Variants in CRIM1 observed in about 807,000 individuals in gnomAD.
CRIM1 encodes the protein cysteine rich transmembrane BMP regulator 1.
Under a neutral mutation model 116.4 loss-of-function variants are expected in CRIM1, and 32 were observed. That is an observed-to-expected ratio of 0.27 (90% confidence interval 0.21 to 0.37). CRIM1 has a LOEUF of 0.37. Among genes scored for constraint, CRIM1 ranks in the 10% least tolerant of loss-of-function variants. The pLI, the probability that CRIM1 is intolerant of heterozygous loss-of-function variation, is 1.00. For missense variants in CRIM1, 1,331 were observed against 1,354.8 expected, an observed-to-expected ratio of 0.98 and a Z score of 0.28; for synonymous variants, 590 against 509.2, an observed-to-expected ratio of 1.16 and a Z score of -2.13.
intron 14 of CRIM1, among the ~76,000 whole-genome samples, chr2:36,542,837 C>A (rs1046127635): frequency 5.3e-5 from 8 of 152,180 alleles, no homozygotes; most frequent in African/African-American, 1.9e-4. Context: ...TACCATCCCC[C>A]TGCACACACC....
At chr2:36,442,092 G>A (rs1675875671) in intron 3 of CRIM1, among the ~76,000 whole-genome samples, 3 of 152,026 alleles carry the variant, frequency 2.0e-5, no homozygotes, top group African/African-American at 4.8e-5. Context: ...TATCCCAGCT[G>A]TTTCTTGCTT....
intron 5 of CRIM1, among the ~76,000 whole-genome samples, chr2:36,467,319 T>A (rs1228436751): frequency 6.6e-6 from 1 of 152,240 alleles, no homozygotes; most frequent in Non-Finnish European, 1.5e-5. Context: ...TCCTACAGAA[T>A]ATTGTTAAGA....
At chr2:36,462,325 G>C (rs1396530303) in intron 4 of CRIM1, among the ~76,000 whole-genome samples, 1 of 152,168 alleles carries the variant, frequency 6.6e-6, no homozygotes, top group Non-Finnish European at 1.5e-5. Flanking sequence ...ATGTCTATAA[G>C]AAACTTGCAC....
chr2:36,419,762 T>C (rs1346268562), intron 2 of CRIM1, among the ~76,000 whole-genome samples: 1 of 152,240 alleles, frequency 6.6e-6, no homozygotes, highest in African/African-American at 2.4e-5. Context: ...AGTAAATAAA[T>C]TTAAAGGGGG....
intron 1 of CRIM1, among the ~76,000 whole-genome samples, chr2:36,395,199 G>A (rs1671932033): frequency 1.3e-5 from 2 of 152,038 alleles, no homozygotes; most frequent in Non-Finnish European, 2.9e-5. Flanking sequence ...ATTTTTAATG[G>A]AGATGGGGTT....
chr2:36,476,984 G>A lies in CRIM1; in HGVS notation c.1087G>A (p.Val363Ile), dbSNP rs144913926. ...NCRFCRCQGGVAICFTAQCGE... is the reference protein window; with the variant it reads ...NCRFCRCQGGIAICFTAQCGE... ...TCGGTTCTGTCGATGCCAAGGGGGC[G>A]TTGCCATCTGCTTCACCGCCCAGTG... The change falls in exon 6 of 17, where the codon GTT becomes ATT. Residue 363 changes from valine to isoleucine, a missense_variant. Coordinates refer to ENST00000280527, the MANE Select transcript of CRIM1 (RefSeq NM_016441.3). 3.3e-4 allele frequency: 539 copies of A among 1,613,886 alleles called. 1 individual carries two copies. Among genetic ancestry groups the A allele is most frequent in the Middle Eastern group, 8.2e-4 (5 of 6,062 alleles).
In CRIM1 at chr2:36,537,645, C is replaced by T. The variant is rs111801413; in HGVS notation, c.2623+99C>T. ...CTGCCCCTTCTTTCATTCGTTCACA[C>T]GGCCCAAGTAGCGTGTCAGGCCCAG... On this transcript the variant is annotated intron_variant, in intron 14 of 16. Coordinates refer to ENST00000280527, the MANE Select transcript of CRIM1 (RefSeq NM_016441.3). 2.1e-4 allele frequency: 282 copies of T among 1,319,436 alleles called. No homozygotes were observed. In the African/African-American group the frequency reaches 3.1e-3, roughly 15 times the overall value. 81.7% of individuals were successfully genotyped at this position (1,319,436 alleles called of 1,614,324 possible). A position where few individuals can be genotyped will look rare whatever the true frequency, so the allele number is the denominator to read the frequency against.
rs763145259 is a variant in CRIM1 at position 36,464,547 on chromosome 2, T to G, written c.883T>G (p.Ser295Ala). Residue 295 changes from serine (S) to alanine (A), a missense_variant, in exon 5 of 17, where the codon TCT (serine) becomes GCT (alanine). This residue lies in a region of CRIM1 where 690 missense variants were observed against 676.0 expected (regional missense o/e 1.02). Transcript: ENST00000280527. Reference sequence around the variant, plus strand: ...CTTTGGTTTCAGATGCGAGTGTCTCTCTGGCTTATGTGGTTTCCCCGTGTG... The same window carrying G: ...CTTTGGTTTCAGATGCGAGTGTCTCGCTGGCTTATGTGGTTTCCCCGTGTG... Reference protein sequence around the residue: ...CTLPTRCECLSGLCGFPVCEV... With the variant: ...CTLPTRCECLAGLCGFPVCEV... 1.9e-6 allele frequency: 3 copies of G among 1,614,146 alleles called. No homozygotes were observed. Among genetic ancestry groups the G allele is most frequent in the Non-Finnish European group, 2.5e-6 (3 of 1,180,020 alleles).
intron 2 of CRIM1, among the ~76,000 whole-genome samples, chr2:36,434,095 A>G (rs1675105523): frequency 1.3e-5 from 2 of 152,250 alleles, no homozygotes; most frequent in African/African-American, 2.4e-5. Flanking sequence ...TGGAATGTGT[A>G]TGAAAAGAAT....
At chr2:36,420,681 A>T (rs543768501) in intron 2 of CRIM1, among the ~76,000 whole-genome samples, 2 of 152,240 alleles carry the variant, frequency 1.3e-5, no homozygotes, top group Admixed American at 6.5e-5. Context: ...AGGATAATTA[A>T]GAGTTTGCCA....
intron 11 of CRIM1, among the ~76,000 whole-genome samples, chr2:36,516,984 A>T (rs945050499): frequency 6.6e-6 from 1 of 152,214 alleles, no homozygotes; most frequent in African/African-American, 2.4e-5. Flanking sequence ...AGAGATCTGA[A>T]TCCGAGACAG....
chr2:36,409,304 C>A (rs1673041325), intron 2 of CRIM1, among the ~76,000 whole-genome samples: 1 of 152,158 alleles, frequency 6.6e-6, no homozygotes, highest in Admixed American at 6.5e-5. Context: ...TAACTATAAT[C>A]TAGGAAAAAT....
intron 14 of CRIM1, among the ~76,000 whole-genome samples, chr2:36,542,558 A>C (rs1426626288): frequency 6.6e-6 from 1 of 152,212 alleles, no homozygotes; most frequent in Non-Finnish European, 1.5e-5. Context: ...GCCTCTGCAG[A>C]AACTTTTACT....
chr2:36,398,930 A>G (rs1298090269), intron 2 of CRIM1, among the ~76,000 whole-genome samples: 1 of 152,214 alleles, frequency 6.6e-6, no homozygotes, highest in Non-Finnish European at 1.5e-5. Context: ...CCTCAATGCC[A>G]AGAAAGTATG....
At chr2:36,478,864 C>T (rs1043984244) in intron 6 of CRIM1, among the ~76,000 whole-genome samples, 3 of 151,390 alleles carry the variant, frequency 2.0e-5, no homozygotes, top group Non-Finnish European at 4.4e-5. Context: ...GTAGCTTTGG[C>T]TACTTCTGTC....
rs561502967 is a variant in CRIM1 at position 36,479,958 on chromosome 2, A to AT, written c.1372+266dup. 2.6e-5 allele frequency among the ~76,000 whole-genome samples: 4 copies of AT among 152,350 alleles called. No individual in the cohort carries two copies. In the South Asian group the frequency reaches 6.2e-4, roughly 24 times the overall value. On this transcript the variant is annotated intron_variant, in intron 7 of 16. Transcript: ENST00000280527. ...ACAGTATAAGAATATGTACATTTTA[A>AT]TTAAGTTCACTTTGAACCTAATTAA... is the stretch of plus-strand genomic sequence containing the variant.
At chr2:36,498,772 A>C in intron 7 of CRIM1, among the ~76,000 whole-genome samples, 1 of 152,242 alleles carries the variant, frequency 6.6e-6, no homozygotes, top group Non-Finnish European at 1.5e-5. Context: ...TAATTTGGAA[A>C]AAAAATAGTA....
At chr2:36,450,711 A>T (rs1676644112) in intron 4 of CRIM1, among the ~76,000 whole-genome samples, 1 of 152,228 alleles carries the variant, frequency 6.6e-6, no homozygotes, top group African/African-American at 2.4e-5. Context: ...TGTCTGAAAA[A>T]TATGTCAAAT....
At chr2:36,359,147 A>G (rs768167705) in intron 1 of CRIM1, among the ~76,000 whole-genome samples, 1 of 152,194 alleles carries the variant, frequency 6.6e-6, no homozygotes, top group Non-Finnish European at 1.5e-5. Flanking sequence ...CATAACTAAC[A>G]TGAATAGGAA....
Sources: allele counts gnomAD v4.1 joint callset (sites outside exome capture counted in the v4.1 genomes callset), GRCh38; gene constraint gnomAD v4.1.1; regional missense constraint gnomAD v4.1.1; transcripts MANE v1.5; gene names NCBI Gene and HGNC (gene_info 2026-07-23, HGNC 2026-07-21).